Variants in PRSS3 observed in about 807,000 individuals in gnomAD.
PRSS3 encodes trypsin-3.
A neutral mutation model predicts 20.8 loss-of-function variants in PRSS3; 14 were observed. The ratio of observed to expected loss-of-function variants is 0.67; its 90% CI spans 0.44 to 1.05. The LOEUF (loss-of-function observed/expected upper bound fraction) is 1.05, where lower values mean the gene tolerates loss of function less well. Among genes scored for constraint, PRSS3 ranks in the 50% least tolerant of loss-of-function variants. The pLI is 0.00. For synonymous variants in PRSS3, 91 were observed against 117.6 expected (o/e 0.77, Z 1.46); for missense variants, 237 against 306.4 (o/e 0.77, Z 1.69).
intron 3 of PRSS3, 167 bp from the exon 4 acceptor site, chr9:33,798,319 C>T: frequency 7.7e-7 from 1 of 1,292,844 alleles, no homozygotes; most frequent in Non-Finnish European, 1.1e-6. Context: ...AGGGGTTCAA[C>T]AATGATCATT....
chr9:33,755,707 C>T (rs1822909729), intron 1 of PRSS3, among the ~76,000 whole-genome samples: 1 of 152,188 alleles, frequency 6.6e-6, no homozygotes, highest in Non-Finnish European at 1.5e-5. Context: ...GGAATTGCTA[C>T]ATTTTCTTTA....
chr9:33,776,416 T>G (rs1393773577), intron 1 of PRSS3, among the ~76,000 whole-genome samples: 2 of 152,150 alleles, frequency 1.3e-5, no homozygotes, highest in Non-Finnish European at 2.9e-5. Context: ...CACTGACTTT[T>G]AAAAAACAGA....
intron 1 of PRSS3, among the ~76,000 whole-genome samples, chr9:33,755,853 T>C (rs1383814317): frequency 6.6e-6 from 1 of 152,130 alleles, no homozygotes; most frequent in Non-Finnish European, 1.5e-5. Context: ...AAGAAGCATT[T>C]GGGGTAAATT....
In PRSS3 at chr9:33,750,958, GC is replaced by G; in HGVS notation, c.-53+234del. ...GATGGAGGGCCCTGGTGTCGCAGAA[GC>G]CCACCTGGGGCCCCCTCCGGGCTGC... On this transcript the variant is annotated intron_variant, in intron 1 of 5. Coordinates refer to the PRSS3 transcript ENST00000342836. This position sits in a 1 kb window ranked among gnomAD's most constrained non-coding sequence, Gnocchi z 4.8. The G allele has an allele frequency of 9.2e-7, 1 of 1,085,360 alleles. No individual in the cohort carries two copies. Among genetic ancestry groups the G allele is most frequent in the Non-Finnish European group, 1.2e-6 (1 of 835,474 alleles). 67.2% of individuals were successfully genotyped at this position (1,085,360 alleles called of 1,614,324 possible).
chr9:33,793,113 C>T (rs891583939), upstream of PRSS3, among the ~76,000 whole-genome samples: 20 of 152,308 alleles, frequency 1.3e-4, no homozygotes, highest in East Asian at 3.9e-4. Context: ...TAAGGAAGAG[C>T]GCAAAATACT....
chr9:33,766,292 A>G (rs1823415423), intron 1 of PRSS3, among the ~76,000 whole-genome samples: 7 of 133,626 alleles, frequency 5.2e-5, no homozygotes, highest in Admixed American at 7.8e-5. Context: ...AAAAAAAAGG[A>G]GCCGGGGGCG....
chr9:33,787,111 A>C (rs1008304286), intron 1 of PRSS3, among the ~76,000 whole-genome samples: 29 of 152,224 alleles, frequency 1.9e-4, no homozygotes, highest in African/African-American at 7.0e-4. Flanking sequence ...AAGGGTGCTC[A>C]GAAATACCCA....
In PRSS3 at chr9:33,796,628, C is replaced by G; in HGVS notation, c.41-15C>G. 1 of 1,613,908 alleles carries G rather than the reference C, an allele frequency of 6.2e-7. No homozygotes were observed. Among genetic ancestry groups the G allele is most frequent in the Non-Finnish European group, 8.5e-7 (1 of 1,179,786 alleles). ...TGCTACTGACTTGCCTTCTCCCTTC[C>G]TATTTCCACTCCAGTTGCTGTCCCC... On this transcript the variant is annotated splice_polypyrimidine_tract_variant and intron_variant, in intron 1 of 4. Transcript: ENST00000379405.
rs564275832 is a variant in PRSS3 at position 33,795,651 on chromosome 9, C to G, written c.40+38C>G. ...ACCTGCCTCAGGCCCCACCCACCCCCTTTCCTGGCAGACACATGCCCTGCC... is the reference window on the plus strand; with the variant it reads ...ACCTGCCTCAGGCCCCACCCACCCCGTTTCCTGGCAGACACATGCCCTGCC... On this transcript the variant is annotated intron_variant, in intron 1 of 4. Transcript: ENST00000379405. 4.1e-5 allele frequency: 66 copies of G among 1,610,612 alleles called. No homozygotes were observed. The South Asian group carries it at 6.7e-4, about 16-fold the overall frequency.
chr9:33,763,565 G>T (rs1018804013), intron 1 of PRSS3, among the ~76,000 whole-genome samples: 3 of 152,080 alleles, frequency 2.0e-5, no homozygotes, highest in African/African-American at 7.2e-5. Flanking sequence ...CGGGCGTGGT[G>T]GCGGGCACCT....
intron 1 of PRSS3, among the ~76,000 whole-genome samples, chr9:33,760,471 G>A (rs1823141531): frequency 6.6e-6 from 1 of 152,110 alleles, no homozygotes; most frequent in African/African-American, 2.4e-5. Flanking sequence ...AAGAGGCCGG[G>A]TGCGGTGGCT....
At chr9:33,789,747 T>G (rs1268923825) in intron 1 of PRSS3, among the ~76,000 whole-genome samples, 1 of 152,180 alleles carries the variant, frequency 6.6e-6, no homozygotes, top group East Asian at 1.9e-4. Flanking sequence ...AGTGAAGCCT[T>G]GGATTATGAA....
chr9:33,788,611 A>T (rs550262682), intron 1 of PRSS3, among the ~76,000 whole-genome samples: 1 of 152,272 alleles, frequency 6.6e-6, no homozygotes, highest in East Asian at 1.9e-4. Flanking sequence ...ACATGAGCTC[A>T]TTGTTTTAGA....
At position 33,795,571 on chromosome 9, in the gene PRSS3, A is replaced by T; in HGVS notation, c.-3A>T. The T allele has an allele frequency of 6.2e-7, 1 of 1,614,076 alleles. No homozygotes were observed. Among genetic ancestry groups the T allele is most frequent in the East Asian group, 2.2e-5 (1 of 44,872 alleles). ...CACCACCAGTCAGGCACACTCTACC[A>T]CCATGAATCCATTCCTGATCCTTGC... On this transcript the variant is annotated 5_prime_UTR_variant, in exon 1 of 5. Transcript: ENST00000379405.
intron 1 of PRSS3, among the ~76,000 whole-genome samples, chr9:33,779,903 A>G (rs1824110343): frequency 6.7e-6 from 1 of 149,830 alleles, no homozygotes; most frequent in Admixed American, 6.6e-5. Context: ...AAAACCTCTA[A>G]CAAATATAGG....
intron 1 of PRSS3, among the ~76,000 whole-genome samples, chr9:33,765,497 T>G (rs1641250405): frequency 6.6e-6 from 1 of 152,238 alleles, no homozygotes; most frequent in South Asian, 2.1e-4. Flanking sequence ...CTTTGGCATA[T>G]TCAAACTGCC....
intron 1 of PRSS3, among the ~76,000 whole-genome samples, chr9:33,759,350 A>T (rs1587369412): frequency 6.6e-6 from 1 of 152,298 alleles, no homozygotes; most frequent in Non-Finnish European, 1.5e-5. Flanking sequence ...CATGGACAGC[A>T]GGACTAGAGG....
At chr9:33,795,238 C>G (rs1824850708), upstream of PRSS3, among the ~76,000 whole-genome samples, 1 of 152,152 alleles carries the variant, frequency 6.6e-6, no homozygotes, top group African/African-American at 2.4e-5. Context: ...AGGCCATTCT[C>G]CCTCCTTCTA....
intron 1 of PRSS3, among the ~76,000 whole-genome samples, chr9:33,796,399 T>TGA (rs1333449697): frequency 2.4e-5 from 3 of 124,534 alleles, no homozygotes; most frequent in Non-Finnish European, 3.5e-5. Flanking sequence ...ATTCCTTGCA[T>TGA]CCTCAGCCTG....
Sources: gnomAD v4.1 joint callset for allele counts (sites outside exome capture counted in the v4.1 genomes callset) on GRCh38, gnomAD v4.1.1 for gene constraint, Gnocchi (gnomAD v3.1) non-coding constraint, MANE v1.5 for transcripts, NCBI Gene and HGNC (gene_info 2026-07-23, HGNC 2026-07-21) for gene names.